Variants in MLYCD observed in about 807,000 individuals in gnomAD.
MLYCD encodes malonyl-CoA decarboxylase.
In MLYCD, 27 loss-of-function variants were observed where a neutral mutation model predicts 35.8. That is an observed-to-expected ratio of 0.75 (90% CI 0.56 to 1.04). MLYCD has a LOEUF of 1.04. Among genes scored for constraint, MLYCD ranks in the 50% least tolerant of loss-of-function variants. The pLI, the probability that MLYCD is intolerant of heterozygous loss-of-function variation, is 0.00. For missense variants in MLYCD, 917 were observed against 665.1 expected (o/e 1.38, Z -4.17); for synonymous variants, 403 against 302.4 (o/e 1.33, Z -3.45).
chr16:83,909,670 A>C (rs1022652285), intron 3 of MLYCD, among the ~76,000 whole-genome samples: 2 of 143,770 alleles, frequency 1.4e-5, no homozygotes, highest in Non-Finnish European at 3.0e-5. Context: ...TGCGCAGGCT[A>C]GAGTGCAATG....
intron 1 of MLYCD, among the ~76,000 whole-genome samples, 184 bp downstream of exon 1, chr16:83,899,856 G>C (rs1006655791): frequency 6.6e-5 from 10 of 152,168 alleles, no homozygotes; most frequent in Non-Finnish European, 1.0e-4. Flanking sequence ...GGCCTCGTCA[G>C]AGCACACCCC....
In MLYCD at chr16:83,908,228, G is replaced by A. The variant is rs202012613; in HGVS notation, c.744G>A (p.Glu248=). The A allele has an allele frequency of 2.5e-6, 4 of 1,614,036 alleles. No homozygotes were observed. Among genetic ancestry groups the A allele is most frequent in the Admixed American group, 1.7e-5 (1 of 60,010 alleles). The change falls in exon 3 of 5, where the codon GAG becomes GAA. Residue 248 remains glutamate (E), a synonymous_variant. Coordinates refer to ENST00000262430, the MANE Select transcript of MLYCD (RefSeq NM_012213.3). ...TTTCTCACTGTTCGACCCCTGGGGA[G>A]CCCCTGGTCGTTTTGCACGTGGCAC... ...YFFSHCSTPG[E]PLVVLHVALT... is the part of the protein sequence containing the mutation.
chr16:83,907,168 G>A, intron 2 of MLYCD, 69 bp downstream of exon 2: 1 of 1,298,828 alleles, frequency 7.7e-7, no homozygotes, highest in Non-Finnish European at 1.1e-6. Flanking sequence ...GTTTTATATT[G>A]GCTAAAAGCT....
At position 83,924,998 on chromosome 16, in the gene MLYCD, G is replaced by A. The variant is rs1342052727; in HGVS notation, c.*9509G>A. The A allele has an allele frequency of 6.6e-6, 1 of 152,276 alleles. No homozygotes were observed. The highest frequency in any genetic ancestry group is 1.5e-5 in the Non-Finnish European group (1 of 68,100). 9.4% of individuals were successfully genotyped at this position (152,276 alleles called of 1,614,324 possible). On this transcript the variant is annotated 3_prime_UTR_variant, in exon 5 of 5. Transcript: ENST00000262430. The stretch of plus-strand genomic sequence containing the variant: ...CTCTAAGGATCTCACCCCCATCCGT[G>A]TCTCTGCTGTCTCCTAACTACCGAT...
Position 83,926,393 on chromosome 16 carries a change from G to C in MLYCD, c.*10904G>C, listed in dbSNP as rs150255908. 1 of 152,600 alleles carries C rather than the reference G, an allele frequency of 6.6e-6. No individual in the cohort carries two copies. Among genetic ancestry groups the C allele is most frequent in the East Asian group, 1.9e-4 (1 of 5,180 alleles). 9.5% of individuals were successfully genotyped at this position (152,600 alleles called of 1,614,324 possible). On this transcript the variant is annotated 3_prime_UTR_variant, in exon 5 of 5. Coordinates refer to ENST00000262430, the MANE Select transcript of MLYCD (RefSeq NM_012213.3). ...TGACGACACTGAGGCCCAGAGAGCTGAAGGGGCTGGCCGAGGGGACGGGCT... is the reference window on the plus strand; with the variant it reads ...TGACGACACTGAGGCCCAGAGAGCTCAAGGGGCTGGCCGAGGGGACGGGCT...
In MLYCD at chr16:83,915,507, A is replaced by C. The variant is rs777684774; in HGVS notation, c.*18A>C. ...AGCTCTGACAGTAAACCTCTCCTAA[A>C]GCACAGGGCCCCGGCTAAGAAAACG... On this transcript the variant is annotated 3_prime_UTR_variant, in exon 5 of 5. Coordinates refer to ENST00000262430, the MANE Select transcript of MLYCD (RefSeq NM_012213.3). The C allele has an allele frequency of 1.2e-6, 2 of 1,607,430 alleles. No individual in the cohort carries two copies. Among genetic ancestry groups the C allele is most frequent in the East Asian group, 4.5e-5 (2 of 44,884 alleles).
chr16:83,915,548 G>A lies in MLYCD; in HGVS notation c.*59G>A. On this transcript the variant is annotated 3_prime_UTR_variant, in exon 5 of 5. Transcript: ENST00000262430. ...TAAGAAAACGATCATTTTCAGGAGGGGCCGGGAGTTATGTATCTGAAGCAG... is the reference window on the plus strand; with the variant it reads ...TAAGAAAACGATCATTTTCAGGAGGAGCCGGGAGTTATGTATCTGAAGCAG... The A allele has an allele frequency of 6.3e-7, 1 of 1,588,972 alleles. No individual in the cohort carries two copies.
chr16:83,902,422 A>G (rs999975800), intron 1 of MLYCD, among the ~76,000 whole-genome samples: 1 of 151,478 alleles, frequency 6.6e-6, no homozygotes, highest in African/African-American at 2.4e-5. Context: ...CTGTACCTAT[A>G]AACTATCAAC....
rs114817679 is a variant in MLYCD, at chr16:83,902,082, G to T, written c.528+2410G>T. On this transcript the variant is annotated intron_variant, in intron 1 of 4. Coordinates refer to ENST00000262430, the MANE Select transcript of MLYCD (RefSeq NM_012213.3). ...CTATTAATTCCCTTCCCCTTCCCTTGTTCTACGTAGTTGTTTTCTCATATA... is the reference window on the plus strand; with the variant it reads ...CTATTAATTCCCTTCCCCTTCCCTTTTTCTACGTAGTTGTTTTCTCATATA... Among the ~76,000 whole-genome samples, 689 of 143,922 alleles carry T rather than the reference G, an allele frequency of 4.8e-3. 4 individuals are homozygous for T. The highest frequency in any genetic ancestry group is 0.017 in the African/African-American group (661 of 38,630). 94.4% of individuals were successfully genotyped at this position (143,922 alleles called of 152,430 possible). A position where few individuals can be genotyped will look rare whatever the true frequency, so the allele number is the denominator to read the frequency against.
intron 1 of MLYCD, among the ~76,000 whole-genome samples, chr16:83,904,044 C>G (rs186671010): frequency 6.6e-6 from 1 of 152,140 alleles, no homozygotes; most frequent in South Asian, 2.1e-4. Flanking sequence ...ATTCCCAGTT[C>G]TCGTGTACCA....
intron 1 of MLYCD, among the ~76,000 whole-genome samples, chr16:83,900,154 G>C (rs1479085962): frequency 1.3e-5 from 2 of 152,138 alleles, no homozygotes; most frequent in Non-Finnish European, 2.9e-5. Flanking sequence ...AAGGTAAATA[G>C]GACTCAAGGT....
intron 4 of MLYCD, chr16:83,914,617 C>T: frequency 2.7e-6 from 1 of 374,276 alleles, no homozygotes; most frequent in South Asian, 2.2e-5. Context: ...CATCAGGTTC[C>T]TGATAAATAT....
At chr16:83,906,936 G>A in intron 1 of MLYCD, 51 bp from the exon 2 acceptor site, 1 of 1,459,004 alleles carries the variant, frequency 6.9e-7, no homozygotes, top group Non-Finnish European at 9.6e-7. Context: ...CACAGAGATG[G>A]GCTTGATCTG....
At chr16:83,904,634 G>A (rs987632984) in intron 1 of MLYCD, among the ~76,000 whole-genome samples, 1 of 152,166 alleles carries the variant, frequency 6.6e-6, no homozygotes, top group Non-Finnish European at 1.5e-5. Flanking sequence ...CTTTTATGGC[G>A]TTTACAACCA....
At position 83,915,560 on chromosome 16, in the gene MLYCD, T is replaced by G. The variant is rs1379989080; in HGVS notation, c.*71T>G. On this transcript the variant is annotated 3_prime_UTR_variant, in exon 5 of 5. Coordinates refer to ENST00000262430, the MANE Select transcript of MLYCD (RefSeq NM_012213.3). ...CATTTTCAGGAGGGGCCGGGAGTTA[T>G]GTATCTGAAGCAGCTTTCCAAGCAA... The G allele has an allele frequency of 3.8e-6, 6 of 1,577,780 alleles. No homozygotes were observed. Among genetic ancestry groups the G allele is most frequent in the East Asian group, 2.3e-5 (1 of 44,424 alleles).
At position 83,908,237 on chromosome 16, in the gene MLYCD, C is replaced by T. The variant is rs1417647740; in HGVS notation, c.753C>T (p.Val251=). 2 of 1,614,116 alleles carry T rather than the reference C, an allele frequency of 1.2e-6. No homozygotes were observed. Among genetic ancestry groups the T allele is most frequent in the Non-Finnish European group, 1.7e-6 (2 of 1,180,018 alleles). The change falls in exon 3 of 5, where the codon GTC becomes GTT. Residue 251 remains valine (V), a synonymous_variant. Transcript: ENST00000262430. ...GTTCGACCCCTGGGGAGCCCCTGGT[C>T]GTTTTGCACGTGGCACTGACTGGTG... ...SHCSTPGEPL[V]VLHVALTGDI... is the part of the protein sequence containing the mutation.
chr16:83,915,791 A>T lies in MLYCD; in HGVS notation c.*302A>T. ...CCCTGCCCGGGGCTGGTGCTGTGGT[A>T]CCTACATCTTCAGGAAGCTGTGCAG... On this transcript the variant is annotated 3_prime_UTR_variant, in exon 5 of 5. Coordinates refer to ENST00000262430, the MANE Select transcript of MLYCD (RefSeq NM_012213.3). 7.7e-7 allele frequency: 1 copy of T among 1,293,660 alleles called. No individual in the cohort carries two copies. Among genetic ancestry groups the T allele is most frequent in the African/African-American group, 1.5e-5 (1 of 66,524 alleles). 80.1% of individuals were successfully genotyped at this position (1,293,660 alleles called of 1,614,324 possible).
Position 83,915,025 on chromosome 16 carries a change from G to C in MLYCD, c.1018G>C (p.Gly340Arg). ...ACCTGGTTTCACCAAATGGCTTCTG[G>C]GGCTTCTGAACTCGCAAACGAAGGA... is the stretch of plus-strand genomic sequence containing the variant. ...PIPGFTKWLLGLLNSQTKEHG... is the reference protein window; with the variant it reads ...PIPGFTKWLLRLLNSQTKEHG... Residue 340 changes from glycine (G) to arginine (R), a missense_variant, in exon 5 of 5, where the codon GGG becomes CGG. Transcript: ENST00000262430. 2 of 1,614,192 alleles carry C rather than the reference G, an allele frequency of 1.2e-6. No individual in the cohort carries two copies. The highest frequency in any genetic ancestry group is 2.7e-5 in the African/African-American group (2 of 75,032).
chr16:83,903,115 G>A (rs946820680), intron 1 of MLYCD, among the ~76,000 whole-genome samples: 3 of 152,160 alleles, frequency 2.0e-5, no homozygotes, highest in Admixed American at 1.3e-4. Context: ...GTGGGCACTC[G>A]AGGAAGGTTG....
Sources: gnomAD v4.1 joint callset for allele counts (sites outside exome capture counted in the v4.1 genomes callset) on GRCh38, gnomAD v4.1.1 for gene constraint, MANE v1.5 for transcripts, NCBI Gene and HGNC (gene_info 2026-07-23, HGNC 2026-07-21) for gene names.